FAAH2: variants seen among roughly 807,000 people sequenced by gnomAD.
FAAH2 encodes the protein fatty acid amide hydrolase 2, also known as fatty-acid amide hydrolase 2.
A neutral mutation model predicts 36.9 loss-of-function variants in FAAH2; 60 were observed. The ratio of observed to expected loss-of-function variants is 1.63; its 90% CI spans 1.32 to 2.02. The LOEUF is 2.02. FAAH2 is among the 30% of genes most tolerant of loss of function. The pLI, the probability that FAAH2 is intolerant of heterozygous loss-of-function variation, is 0.00. For missense variants in FAAH2, 689 were observed against 397.5 expected (o/e 1.73, Z -6.23); for synonymous variants, 214 against 143.8 (o/e 1.49, Z -3.49).
chrX:57,233,484 G>GA, the FAAH2 span, among the ~76,000 whole-genome samples: 846 of 107,607 alleles, frequency 7.9e-3, 6 homozygotes, highest in African/African-American at 0.023. Flanking sequence ...AGGCTTAATA[G>GA]AAAAAAAAAA....
intron 5 of FAAH2, among the ~76,000 whole-genome samples, chrX:57,352,055 T>C (rs1439744608): frequency 2.3e-5 from 1 of 43,609 alleles, no homozygotes; most frequent in African/African-American, 7.7e-5. Context: ...TATGTGTATA[T>C]ATATATATAT....
the FAAH2 span, among the ~76,000 whole-genome samples, chrX:57,278,511 G>A: frequency 9.0e-6 from 1 of 111,346 alleles, no homozygotes; most frequent in Non-Finnish European, 1.9e-5. Context: ...ATTCAGGATA[G>A]AGACATGGGC....
At chrX:57,452,103 C>T (rs1316495989) in intron 10 of FAAH2, 2 of 728,331 alleles carry the variant, frequency 2.7e-6, no homozygotes, top group East Asian at 1.5e-4. Context: ...TGGCCTTTCA[C>T]TGGCTTTCTC....
intron 1 of FAAH2, among the ~76,000 whole-genome samples, chrX:57,289,510 T>A (rs1469979760): frequency 9.0e-6 from 1 of 110,994 alleles, no homozygotes; most frequent in African/African-American, 3.3e-5. Context: ...CAATGAGGTT[T>A]TGAAACCGTA....
At chrX:57,234,044 G>A in the FAAH2 span, among the ~76,000 whole-genome samples, 1 of 112,801 alleles carries the variant, frequency 8.9e-6, no homozygotes, top group African/African-American at 3.2e-5. Flanking sequence ...TTTGGATAAT[G>A]AATAATGTTT....
At chrX:57,236,590 T>G in the FAAH2 span, among the ~76,000 whole-genome samples, 2 of 112,176 alleles carry the variant, frequency 1.8e-5, no homozygotes, top group Admixed American at 1.9e-4. Context: ...CCCCAGTGAT[T>G]AGTGATATTG....
At chrX:57,418,399 A>G (rs1000133590) in intron 7 of FAAH2, among the ~76,000 whole-genome samples, 1 of 111,287 alleles carries the variant, frequency 9.0e-6, no homozygotes, top group Non-Finnish European at 1.9e-5. Flanking sequence ...GGTTTTGAAG[A>G]CTGTGGGAAA....
At chrX:57,194,003 TTGTC>T in the FAAH2 span, among the ~76,000 whole-genome samples, 1 of 111,640 alleles carries the variant, frequency 9.0e-6, no homozygotes, top group Non-Finnish European at 1.9e-5. Context: ...AAATGTGTCT[TTGTC>T]TGGTTTTGGC....
At chrX:57,135,706 G>A in the FAAH2 span, 4 of 1,123,228 alleles carry the variant, frequency 3.6e-6, no homozygotes, top group East Asian at 1.2e-4. Context: ...TGCTGGCAAA[G>A]ATGTTTAGTT....
intron 2 of FAAH2, among the ~76,000 whole-genome samples, chrX:57,307,937 C>T (rs1432355083): frequency 9.3e-6 from 1 of 107,413 alleles, no homozygotes; most frequent in Non-Finnish European, 1.9e-5. Flanking sequence ...TTAATAATGA[C>T]CTCTGGGTGC....
intron 10 of FAAH2, among the ~76,000 whole-genome samples, chrX:57,455,096 A>T (rs182938134): frequency 3.7e-4 from 41 of 112,020 alleles, no homozygotes; most frequent in African/African-American, 1.2e-3. Context: ...GACTCTCTGT[A>T]AGAACTCTCT....
the FAAH2 span, among the ~76,000 whole-genome samples, chrX:57,178,559 G>A: frequency 1.8e-5 from 2 of 111,459 alleles, no homozygotes; most frequent in South Asian, 7.5e-4. Context: ...CAAGAAAAGG[G>A]CAAAGTTGGT....
the FAAH2 span, among the ~76,000 whole-genome samples, chrX:57,221,763 C>T: frequency 1.8e-5 from 2 of 110,510 alleles, no homozygotes; most frequent in Non-Finnish European, 1.9e-5. Flanking sequence ...CTCTGATTCC[C>T]AAAACCTCTT....
intron 10 of FAAH2, among the ~76,000 whole-genome samples, chrX:57,473,863 G>A (rs966317271): frequency 2.7e-5 from 3 of 111,360 alleles, no homozygotes; most frequent in Non-Finnish European, 5.7e-5. Flanking sequence ...TTTGCATGGT[G>A]TATCTTTTTC....
At chrX:57,123,817 G>C in the FAAH2 span, among the ~76,000 whole-genome samples, 1 of 112,172 alleles carries the variant, frequency 8.9e-6, no homozygotes, top group Non-Finnish European at 1.9e-5. Context: ...AGAAGTGTCT[G>C]TTCATATCCT....
At chrX:57,211,432 A>G in the FAAH2 span, among the ~76,000 whole-genome samples, 1 of 111,258 alleles carries the variant, frequency 9.0e-6, no homozygotes. Flanking sequence ...GCCTAGCCCC[A>G]CCCAGCTTTG....
intron 5 of FAAH2, among the ~76,000 whole-genome samples, chrX:57,352,252 A>G (rs1374059834): frequency 2.9e-5 from 3 of 103,379 alleles, no homozygotes; most frequent in Non-Finnish European, 6.0e-5. Context: ...AACATGTCAA[A>G]TAGACCACAT....
At chrX:57,340,959 TG>T (rs1020401913) in intron 4 of FAAH2, among the ~76,000 whole-genome samples, 3 of 107,269 alleles carry the variant, frequency 2.8e-5, no homozygotes, top group African/African-American at 1.0e-4. Flanking sequence ...TAAAAGTTGA[TG>T]GAAAAAAAAA....
rs748365101 is a variant in FAAH2, at chrX:57,341,108, T to C, written c.623-163T>C. On this transcript the variant is annotated intron_variant, in intron 4 of 10. Coordinates refer to ENST00000374900, the MANE Select transcript of FAAH2 (RefSeq NM_174912.4). ...AATGGCTTAATATTCTCAAGTAATA[T>C]AGATGAATAGAATAAAATTATGATC... Among the ~76,000 whole-genome samples the C allele has an allele frequency of 1.9e-4, 21 of 112,403 alleles. No homozygotes were observed. The Admixed American group carries it at 1.9e-3, about 10-fold the overall frequency.
Sources: gnomAD v4.1 joint callset for allele counts (sites outside exome capture counted in the v4.1 genomes callset) on GRCh38, gnomAD v4.1.1 for gene constraint, MANE v1.5 for transcripts, NCBI Gene and HGNC (gene_info 2026-07-23, HGNC 2026-07-21) for gene names.